Variants in BRD1 observed in about 807,000 individuals in gnomAD.
The protein encoded by BRD1 is bromodomain containing 1.
Under a neutral mutation model 107.7 loss-of-function variants are expected in BRD1, and 24 were observed. That is an observed-to-expected ratio of 0.22 (90% CI 0.16 to 0.31). The LOEUF is 0.31. Among genes scored for constraint, BRD1 ranks in the 10% least tolerant of loss-of-function variants. BRD1 has a pLI of 1.00. For synonymous variants in BRD1, 744 were observed against 686.1 expected, an observed-to-expected ratio of 1.08 and a Z score of -1.32; for missense variants, 1,279 against 1,638.6, an observed-to-expected ratio of 0.78 and a Z score of 3.79.
rs368408925 is a variant in BRD1, at chr22:49,774,451, C to T, written c.3387-35G>A. On this transcript the variant is annotated intron_variant, in intron 12 of 12. Transcript: ENST00000404760. ...AGGAAAAACAAGCGGAAAATCATTG[C>T]TTGCACATGGTATTTCAGCAGGCTC... The T allele has an allele frequency of 1.2e-4, 190 of 1,589,298 alleles. 1 individual carries two copies. Among genetic ancestry groups the T allele is most frequent in the Non-Finnish European group, 1.4e-4 (159 of 1,163,804 alleles).
At chr22:49,775,183 C>T (rs2059056948) in intron 12 of BRD1, 1 of 156,322 alleles carries the variant, frequency 6.4e-6, no homozygotes, top group Non-Finnish European at 1.4e-5. Flanking sequence ...CTGGATGATG[C>T]TGGGACAGAA....
chr22:49,823,939 A>G lies in BRD1; in HGVS notation c.379T>C (p.Tyr127His). Reference protein sequence around the residue: ...LPEPKVRIVEYSPPSAPRRPP... With the variant: ...LPEPKVRIVEHSPPSAPRRPP... ...CTCCTGGGGGCGGACGGAGGGCTGT[A>G]CTCCACGATGCGCACCTTGGGCTCC... Residue 127 changes from tyrosine (Y) to histidine (H), a missense_variant, in exon 2 of 13, where the codon TAC becomes CAC. Physicochemically the swap from Tyr to His is moderately conservative, Grantham distance 83 (BLOSUM62 2). Around this residue, in one of 7 missense-constraint regions of BRD1, gnomAD observed 223 missense variants for 263.5 expected, o/e 0.85. Transcript: ENST00000404760. 6.2e-7 allele frequency: 1 copy of G among 1,613,990 alleles called. No homozygotes were observed. The highest frequency in any genetic ancestry group is 8.5e-7 in the Non-Finnish European group (1 of 1,180,008).
rs865888816 is a variant in BRD1 at position 49,818,709 on chromosome 22, A to G, written c.1367+4242T>C. On this transcript the variant is annotated intron_variant, in intron 2 of 12. Transcript: ENST00000404760. ...AAGACCATCCTGGCTAACATGGTGA[A>G]ACCCCGTCTCTACTAAAAATACAAA... Among the ~76,000 whole-genome samples, 51 of 152,234 alleles carry G rather than the reference A, an allele frequency of 3.4e-4. 1 individual carries two copies. Among genetic ancestry groups the G allele is most frequent in the Admixed American group, 6.5e-4 (10 of 15,290 alleles).
rs75264055 is a variant in BRD1 at position 49,797,144 on chromosome 22, G to C, written c.2098+661C>G. On this transcript the variant is annotated intron_variant, in intron 6 of 12. Transcript: ENST00000404760. ...AAGCAGGGTGCAGGGGACAGCCCCG[G>C]TTTCCGAGGACCAGTCTAGAGAAGG... is the stretch of plus-strand genomic sequence containing the variant. Among the ~76,000 whole-genome samples the C allele has an allele frequency of 8.0e-3, 1,218 of 152,348 alleles. 21 individuals carry two copies. The highest frequency in any genetic ancestry group is 0.027 in the African/African-American group (1,142 of 41,584).
intron 1 of BRD1, chr22:49,826,109 GT>G: frequency 1.1e-6 from 1 of 944,826 alleles, no homozygotes; most frequent in Non-Finnish European, 1.3e-6. Context: ...GCCGACACGC[GT>G]CATTACTGAG....
chr22:49,788,366 C>A (rs774296928), intron 7 of BRD1, among the ~76,000 whole-genome samples: 5 of 151,744 alleles, frequency 3.3e-5, no homozygotes, highest in South Asian at 4.2e-4. Context: ...CAAAAACAAA[C>A]AAACAAACAA....
intron 3 of BRD1, among the ~76,000 whole-genome samples, chr22:49,799,870 A>G (rs2059609692): frequency 6.6e-6 from 1 of 152,152 alleles, no homozygotes; most frequent in Non-Finnish European, 1.5e-5. Context: ...TGTCCTCACC[A>G]TGTCCCCCAG....
intron 2 of BRD1, among the ~76,000 whole-genome samples, chr22:49,815,854 T>C (rs1437736918): frequency 2.0e-5 from 3 of 152,188 alleles, no homozygotes; most frequent in South Asian, 2.1e-4. Context: ...CAATGTGTCG[T>C]CCTGGCGCTT....
intron 1 of BRD1, chr22:49,826,206 T>G: frequency 1.0e-6 from 1 of 985,400 alleles, no homozygotes; most frequent in Non-Finnish European, 1.2e-6. Flanking sequence ...TGAGTCGCCC[T>G]AACGACAAGC....
At chr22:49,814,018 C>T (rs936828745) in intron 2 of BRD1, among the ~76,000 whole-genome samples, 3 of 151,992 alleles carry the variant, frequency 2.0e-5, no homozygotes, top group African/African-American at 4.8e-5. Flanking sequence ...ATTCAGGCTG[C>T]TTTTCAGAAC....
chr22:49,811,240 G>A (rs1447954075), intron 2 of BRD1, among the ~76,000 whole-genome samples: 1 of 152,176 alleles, frequency 6.6e-6, no homozygotes, highest in Non-Finnish European at 1.5e-5. Context: ...GCCAGGGCTG[G>A]GGGAGGATGA....
rs948123231 is a variant in BRD1, at chr22:49,796,044, TAAAATCAG to T, written c.2098+1753_2099-1751del. Reference sequence around the variant, plus strand: ...TTCTCCAAGAAAAACGTGTTACTCTTAAAATCAGAAAATCAGAGACAAAGAATAAAAAT... The same window carrying T: ...TTCTCCAAGAAAAACGTGTTACTCTTAAAATCAGAGACAAAGAATAAAAAT... On this transcript the variant is annotated intron_variant, in intron 6 of 12. Coordinates refer to ENST00000404760, the MANE Select transcript of BRD1 (RefSeq NM_001304808.3). 4.6e-5 allele frequency among the ~76,000 whole-genome samples: 7 copies of T among 152,292 alleles called. No individual in the cohort carries two copies. The South Asian group carries it at 6.2e-4, about 14-fold the overall frequency.
rs141554050 is a variant in BRD1, at chr22:49,781,250, G to T, written c.2858-3437C>A. 1.4e-4 allele frequency among the ~76,000 whole-genome samples: 21 copies of T among 152,306 alleles called. No individual in the cohort carries two copies. In the South Asian group the frequency reaches 2.9e-3, roughly 21 times the overall value. ...CAAAGGTGTCCCACAGCCCAGCCAA[G>T]CGCAGTCCCCGGAAGCCTGCCCGTC... On this transcript the variant is annotated intron_variant, in intron 8 of 12. Transcript: ENST00000404760.
At chr22:49,808,695 C>T (rs1043236382) in intron 2 of BRD1, among the ~76,000 whole-genome samples, 1 of 152,214 alleles carries the variant, frequency 6.6e-6, no homozygotes, top group East Asian at 1.9e-4. Flanking sequence ...GTTATGTGTA[C>T]GTGACCACAG....
chr22:49,815,797 C>A (rs1271380357), intron 2 of BRD1, among the ~76,000 whole-genome samples: 1 of 152,210 alleles, frequency 6.6e-6, no homozygotes, highest in Non-Finnish European at 1.5e-5. Context: ...CAGGTGCCCT[C>A]CCGAGCTCCC....
At chr22:49,817,956 G>C (rs1276373624) in intron 2 of BRD1, among the ~76,000 whole-genome samples, 1 of 152,164 alleles carries the variant, frequency 6.6e-6, no homozygotes, top group Non-Finnish European at 1.5e-5. Context: ...TTACTAGCCT[G>C]AGCCACCGCA....
intron 8 of BRD1, among the ~76,000 whole-genome samples, chr22:49,778,662 ATTT>A (rs770939387): frequency 4.7e-5 from 7 of 149,984 alleles, no homozygotes; most frequent in African/African-American, 1.7e-4. Flanking sequence ...GGGGTGTGTG[ATTT>A]TTTTTTTCTT....
intron 10 of BRD1, 21 bp from the exon 11 acceptor site, chr22:49,776,180 AG>A: frequency 6.3e-7 from 1 of 1,594,780 alleles, no homozygotes; most frequent in Non-Finnish European, 8.5e-7. Context: ...GGGCGTCAGC[AG>A]GACACAGGCG....
At chr22:49,776,894 C>A in intron 10 of BRD1, 140 bp downstream of exon 10, 1 of 1,267,754 alleles carries the variant, frequency 7.9e-7, no homozygotes, top group Non-Finnish European at 1.1e-6. Flanking sequence ...GTGATGAACC[C>A]TTCCCCGGGA....
Sources: gnomAD v4.1 joint callset for allele counts (sites outside exome capture counted in the v4.1 genomes callset) on GRCh38, gnomAD v4.1.1 for gene constraint, gnomAD v4.1.1 regional missense constraint, MANE v1.5 for transcripts, NCBI Gene and HGNC (gene_info 2026-07-23, HGNC 2026-07-21) for gene names.